The following SLC2A14 variants were observed in gnomAD, a reference collection of about 807,000 sequenced individuals.
The protein encoded by SLC2A14 is solute carrier family 2 member 14.
A neutral mutation model predicts 43.0 loss-of-function variants in SLC2A14; 13 were observed. The observed-to-expected ratio is 0.30, with a 90% confidence interval of 0.20 to 0.48. The LOEUF (loss-of-function observed/expected upper bound fraction) is 0.48, where lower values mean the gene tolerates loss of function less well. Ranked by LOEUF, SLC2A14 falls within the 20% of genes least tolerant of loss-of-function variation. The pLI, the probability that SLC2A14 is intolerant of heterozygous loss-of-function variation, is 0.99. For synonymous variants in SLC2A14, 190 were observed against 233.8 expected, an observed-to-expected ratio of 0.81 and a Z score of 1.71; for missense variants, 428 against 620.4, an observed-to-expected ratio of 0.69 and a Z score of 3.29.
chr12:7,838,135 A>G (rs1865613749), intron 2 of SLC2A14, among the ~76,000 whole-genome samples: 1 of 145,000 alleles, frequency 6.9e-6, no homozygotes. Context: ...TCACCCATGC[A>G]GGAGTGCAGT....
intron 1 of SLC2A14, among the ~76,000 whole-genome samples, chr12:7,883,133 C>G (rs1945617465): frequency 6.6e-6 from 1 of 151,864 alleles, no homozygotes; most frequent in Non-Finnish European, 1.5e-5. Context: ...CGCTGGAACC[C>G]AGAAGTCAGA....
intron 2 of SLC2A14, chr12:7,863,467 A>C (rs754683734): frequency 2.6e-4 from 117 of 451,516 alleles, no homozygotes; most frequent in African/African-American, 2.2e-3. Flanking sequence ...TCTATTAAAA[A>C]TACAAAAAAA....
At chr12:7,864,450 TGC>T (rs1235103405) in intron 2 of SLC2A14, among the ~76,000 whole-genome samples, 1 of 152,114 alleles carries the variant, frequency 6.6e-6, no homozygotes, top group Non-Finnish European at 1.5e-5. Flanking sequence ...GCCATTCTCC[TGC>T]CTCAGCCTTC....
upstream of SLC2A14, among the ~76,000 whole-genome samples, chr12:7,873,963 CAA>C (rs1464924506): frequency 6.6e-6 from 1 of 152,094 alleles, no homozygotes; most frequent in Non-Finnish European, 1.5e-5. Flanking sequence ...CAATAGCAAA[CAA>C]GGGCCATTAA....
chr12:7,833,966 C>T (rs1414391430), intron 2 of SLC2A14, among the ~76,000 whole-genome samples: 1 of 152,094 alleles, frequency 6.6e-6, no homozygotes, highest in East Asian at 1.9e-4. Flanking sequence ...ATCCCTTCAA[C>T]CTTTCCTATC....
intron 1 of SLC2A14, among the ~76,000 whole-genome samples, chr12:7,871,690 G>C (rs959460185): frequency 6.6e-6 from 1 of 151,958 alleles, no homozygotes; most frequent in African/African-American, 2.4e-5. Context: ...AGCCATTCCT[G>C]GGCTGCTCCC....
intron 2 of SLC2A14, among the ~76,000 whole-genome samples, chr12:7,868,595 T>C (rs73258903): frequency 0.072 from 10,969 of 152,208 alleles, 479 homozygotes; most frequent in African/African-American, 0.1. Flanking sequence ...GTATAATAGC[T>C]ACTCGAGAAA....
chr12:7,885,287 A>C (rs1945669584), intron 1 of SLC2A14, among the ~76,000 whole-genome samples: 1 of 152,156 alleles, frequency 6.6e-6, no homozygotes, highest in South Asian at 2.1e-4. Flanking sequence ...CAACATGGCA[A>C]AACCCCATCT....
chr12:7,828,947 G>A (rs1864755188), intron 5 of SLC2A14, 81 bp from the exon 6 acceptor site: 64 of 1,542,204 alleles, frequency 4.1e-5, no homozygotes, highest in Non-Finnish European at 5.4e-5. Context: ...AGTTGGCTGG[G>A]CGCAGTAGCT....
Position 7,816,105 on chromosome 12 carries a change from T to G in SLC2A14, c.1276-1571A>C. On this transcript the variant is annotated intron_variant, in intron 10 of 10. Coordinates refer to ENST00000431042, the MANE Select transcript of SLC2A14 (RefSeq NM_001286234.2). The stretch of plus-strand genomic sequence containing the variant: ...TTATTTTTTATTTTTTTTATTTTTT[T>G]TATTTTTTTTGAGACGGAGTCTCGC... 1.8e-5 allele frequency among the ~76,000 whole-genome samples: 2 copies of G among 109,466 alleles called. 1 individual carries two copies. The highest frequency in any genetic ancestry group is 6.2e-4 in the South Asian group (2 of 3,234). The allele number at this position is 109,466 out of a possible 152,430, so 71.8% of individuals were successfully genotyped here.
intron 2 of SLC2A14, among the ~76,000 whole-genome samples, chr12:7,839,329 C>G (rs2120841910): frequency 6.8e-6 from 1 of 148,096 alleles, no homozygotes; most frequent in South Asian, 2.2e-4. Flanking sequence ...GCATTTCAAA[C>G]AGAAGGCATT....
Position 7,818,984 on chromosome 12 carries a change from G to C in SLC2A14, c.1071+498C>G, listed in dbSNP as rs151135336. On this transcript the variant is annotated intron_variant, in intron 9 of 10. Coordinates refer to ENST00000431042, the MANE Select transcript of SLC2A14 (RefSeq NM_001286234.2). ...TGTAATCCCAGCACTTTGGGAGGCT[G>C]AGGCAGGTGGATCACCTGAGGTTGG... Among the ~76,000 whole-genome samples the C allele has an allele frequency of 2.1e-4, 32 of 152,284 alleles. 1 individual carries two copies. The East Asian group carries it at 5.2e-3, about 25-fold the overall frequency.
At chr12:7,879,316 A>AAAAAAAAAC (rs148751409) in intron 1 of SLC2A14, among the ~76,000 whole-genome samples, 6 of 109,980 alleles carry the variant, frequency 5.5e-5, no homozygotes, top group African/African-American at 7.9e-5. Flanking sequence ...TCTGCAAAAA[A>AAAAAAAAAC]AAACAAACAA....
At position 7,861,886 on chromosome 12, in the gene SLC2A14, C is replaced by A. The variant is rs1026479031; in HGVS notation, c.18+7977G>T. ...CTGACGCAGGAGAAATGCTGGAACC[C>A]GGGAGGCAGAGGTTGCAATGAGCTG... On this transcript the variant is annotated intron_variant, in intron 2 of 10. Coordinates refer to ENST00000431042, the MANE Select transcript of SLC2A14 (RefSeq NM_001286234.2). Among the ~76,000 whole-genome samples, 7 of 150,364 alleles carry A rather than the reference C, an allele frequency of 4.7e-5. 1 individual carries two copies. The highest frequency in any genetic ancestry group is 8.8e-5 in the Non-Finnish European group (6 of 67,834).
rs879403867 is a variant in SLC2A14 at position 7,825,277 on chromosome 12, ATGGT to A, written c.864+2214_864+2217del. 8.6e-3 allele frequency among the ~76,000 whole-genome samples: 1,272 copies of A among 147,934 alleles called. 7 individuals are homozygous for A. Among genetic ancestry groups the A allele is most frequent in the Middle Eastern group, 0.025 (7 of 276 alleles). ...GGAGTTCAAGACCAGACTGGTCAAC[ATGGT>A]GAAAGCCCGTCTCTACTAAAAATAC... On this transcript the variant is annotated intron_variant, in intron 7 of 10. Coordinates refer to ENST00000431042, the MANE Select transcript of SLC2A14 (RefSeq NM_001286234.2).
chr12:7,818,498 T>TA (rs977877503), intron 9 of SLC2A14, among the ~76,000 whole-genome samples: 4 of 151,868 alleles, frequency 2.6e-5, no homozygotes, highest in African/African-American at 9.7e-5. Context: ...CTGTCTCTAC[T>TA]AAAAAACACA....
In SLC2A14 at chr12:7,830,153, C is replaced by CT. The variant is rs1181538039; in HGVS notation, c.273-148dup. On this transcript the variant is annotated intron_variant, in intron 4 of 10. Coordinates refer to ENST00000431042, the MANE Select transcript of SLC2A14 (RefSeq NM_001286234.2). ...TTTCTTTTTCACTTTCTTTTCTTTT[C>CT]TTTCTTTTTTTTTTTTTGAGACAGA... The CT allele has an allele frequency of 1.5e-5, 15 of 1,020,522 alleles. No individual in the cohort carries two copies. The Admixed American group carries it at 3.2e-4, about 22-fold the overall frequency. 63.2% of individuals were successfully genotyped at this position (1,020,522 alleles called of 1,614,324 possible). A position where few individuals can be genotyped will look rare whatever the true frequency, so the allele number is the denominator to read the frequency against.
intron 1 of SLC2A14, among the ~76,000 whole-genome samples, chr12:7,878,921 A>G (rs984885103): frequency 2.1e-5 from 3 of 144,226 alleles, no homozygotes; most frequent in South Asian, 2.3e-4. Context: ...AGGTTGCAGT[A>G]AGCTGAGATC....
At chr12:7,855,882 G>A (rs1046498480) in intron 2 of SLC2A14, among the ~76,000 whole-genome samples, 2 of 151,924 alleles carry the variant, frequency 1.3e-5, no homozygotes, top group East Asian at 1.9e-4. Context: ...TGATCTGCCC[G>A]CCTCAGCCTC....
Sources: allele counts gnomAD v4.1 joint callset (sites outside exome capture counted in the v4.1 genomes callset), GRCh38; gene constraint gnomAD v4.1.1; transcripts MANE v1.5; gene names NCBI Gene and HGNC (gene_info 2026-07-23, HGNC 2026-07-21).